CTNNA3: variants seen among roughly 807,000 people sequenced by gnomAD.
CTNNA3 encodes the protein catenin alpha 3.
CTNNA3 carries 76 observed loss-of-function variants against 95.7 expected under a neutral mutation model. The observed-to-expected ratio is 0.79, with a 90% CI of 0.66 to 0.96. CTNNA3 has a LOEUF of 0.96. Ranked by LOEUF, CTNNA3 falls within the 40% of genes least tolerant of loss-of-function variation. The probability of loss-of-function intolerance (pLI) is 0.00; values close to 1 mark genes in which losing one functional copy is unlikely to be tolerated. For synonymous variants in CTNNA3, 431 were observed against 374.4 expected (o/e 1.15, Z -1.74); for missense variants, 1,191 against 1,089.8 (o/e 1.09, Z -1.31).
At chr10:66,932,719 T>C (rs376517118) in intron 7 of CTNNA3, among the ~76,000 whole-genome samples, 2 of 152,154 alleles carry the variant, frequency 1.3e-5, no homozygotes, top group African/African-American at 2.4e-5. Flanking sequence ...TAATAATACA[T>C]AGGTGAAAGT....
In CTNNA3 at chr10:67,687,365, G is replaced by T. The variant is rs541933217; in HGVS notation, c.-6+8635C>A. Reference sequence around the variant, plus strand: ...GATTGCCTCCGCATAGTGGACATGGGTGAGGGAGCAGCTTATTTCTAGTAG... The same window carrying T: ...GATTGCCTCCGCATAGTGGACATGGTTGAGGGAGCAGCTTATTTCTAGTAG... On this transcript the variant is annotated intron_variant, in intron 1 of 17. Transcript: ENST00000433211. Among the ~76,000 whole-genome samples the T allele has an allele frequency of 2.6e-5, 4 of 152,304 alleles. No individual in the cohort carries two copies. In the South Asian group the frequency reaches 8.3e-4, roughly 32 times the overall value.
At chr10:66,404,876 T>C (rs1331203694) in intron 11 of CTNNA3, among the ~76,000 whole-genome samples, 3 of 151,934 alleles carry the variant, frequency 2.0e-5, no homozygotes, top group African/African-American at 4.8e-5. Flanking sequence ...AGCCAAAAGA[T>C]TGGACACCCC....
At chr10:66,877,132 A>AT (rs1844656443) in intron 7 of CTNNA3, among the ~76,000 whole-genome samples, 1 of 152,072 alleles carries the variant, frequency 6.6e-6, no homozygotes. Context: ...ATGGTTGGCC[A>AT]GCTTGTTTTG....
intron 9 of CTNNA3, among the ~76,000 whole-genome samples, chr10:66,747,895 T>C (rs558834959): frequency 6.6e-6 from 1 of 152,308 alleles, no homozygotes; most frequent in African/African-American, 2.4e-5. Context: ...ATAAAAATAA[T>C]ACAATTACGT....
chr10:67,370,003 T>C (rs953510727), intron 5 of CTNNA3, among the ~76,000 whole-genome samples: 6 of 152,184 alleles, frequency 3.9e-5, no homozygotes, highest in African/African-American at 1.2e-4. Flanking sequence ...TATATATGCA[T>C]GTGTAGGTGT....
chr10:66,075,512 A>G (rs1471669353), intron 14 of CTNNA3, among the ~76,000 whole-genome samples: 1 of 151,838 alleles, frequency 6.6e-6, no homozygotes, highest in Admixed American at 6.6e-5. Context: ...TAATGTATAT[A>G]AATGTATCAT....
chr10:66,269,434 G>A (rs963979004), intron 13 of CTNNA3, among the ~76,000 whole-genome samples: 1 of 151,780 alleles, frequency 6.6e-6, no homozygotes, highest in Non-Finnish European at 1.5e-5. Flanking sequence ...AAAAATCCCT[G>A]GTTTTATTTT....
chr10:66,341,342 C>T (rs1216127078), intron 12 of CTNNA3, among the ~76,000 whole-genome samples: 3 of 151,834 alleles, frequency 2.0e-5, no homozygotes, highest in Non-Finnish European at 4.4e-5. Context: ...TAATAAAGGA[C>T]TTAAATAAAT....
At chr10:67,590,088 G>A (rs971718838) in intron 3 of CTNNA3, among the ~76,000 whole-genome samples, 7 of 151,960 alleles carry the variant, frequency 4.6e-5, no homozygotes, top group African/African-American at 1.4e-4. Flanking sequence ...ATTCCTAAAT[G>A]TTTATGAATA....
chr10:66,934,064 A>C (rs2086774470), intron 7 of CTNNA3, among the ~76,000 whole-genome samples: 1 of 152,098 alleles, frequency 6.6e-6, no homozygotes, highest in Non-Finnish European at 1.5e-5. Flanking sequence ...AATTCCAGGA[A>C]CACAGAGAGA....
At chr10:66,451,219 AGAT>A (rs1183154520) in intron 11 of CTNNA3, among the ~76,000 whole-genome samples, 1 of 152,204 alleles carries the variant, frequency 6.6e-6, no homozygotes, top group Admixed American at 6.5e-5. Context: ...AGTTAAGACA[AGAT>A]GATCACGTAA....
chr10:66,567,429 G>T (rs1308366377), intron 10 of CTNNA3, among the ~76,000 whole-genome samples: 1 of 151,940 alleles, frequency 6.6e-6, no homozygotes, highest in Non-Finnish European at 1.5e-5. Context: ...GACCAGCCTG[G>T]GCAACATAGT....
At chr10:66,286,122 G>A (rs1269870828) in intron 12 of CTNNA3, among the ~76,000 whole-genome samples, 2 of 151,906 alleles carry the variant, frequency 1.3e-5, no homozygotes, top group Non-Finnish European at 2.9e-5. Flanking sequence ...ATACATATCA[G>A]TAGACTTGCT....
rs1231375563 is a variant in CTNNA3 at position 67,691,586 on chromosome 10, G to A, written c.-6+4414C>T. On this transcript the variant is annotated intron_variant, in intron 1 of 17. Transcript: ENST00000433211. ...AGGAGCGTCTCTGCCCGGTCGCCCC[G>A]TCTGAGAAGTGAGGAGACCCTCTGC... Among the ~76,000 whole-genome samples the A allele has an allele frequency of 5.5e-5, 8 of 145,306 alleles. 1 individual carries two copies. The highest frequency in any genetic ancestry group is 2.1e-4 in the East Asian group (1 of 4,664).
At chr10:66,874,223 A>G (rs1564737629) in intron 7 of CTNNA3, among the ~76,000 whole-genome samples, 2 of 152,118 alleles carry the variant, frequency 1.3e-5, no homozygotes, top group Non-Finnish European at 2.9e-5. Context: ...TGGCCAGGGT[A>G]CAAACATAGT....
At chr10:67,371,010 G>C (rs1452874709) in intron 5 of CTNNA3, among the ~76,000 whole-genome samples, 6 of 149,702 alleles carry the variant, frequency 4.0e-5, no homozygotes, top group Non-Finnish European at 1.5e-5. Context: ...GGGACTACAG[G>C]CGCCCGCCGC....
chr10:66,036,862 ATTTTTTT>A (rs57081880), intron 15 of CTNNA3, among the ~76,000 whole-genome samples: 2 of 95,698 alleles, frequency 2.1e-5, no homozygotes. Context: ...AGTAGTTCCA[ATTTTTTT>A]TTTTTTTTTT....
intron 9 of CTNNA3, among the ~76,000 whole-genome samples, chr10:66,688,220 T>C (rs1401330005): frequency 1.3e-5 from 2 of 152,176 alleles, no homozygotes; most frequent in Non-Finnish European, 2.9e-5. Flanking sequence ...TCATGTCCAC[T>C]GTGTCATAAA....
At chr10:66,178,505 C>T (rs1181497318) in intron 13 of CTNNA3, among the ~76,000 whole-genome samples, 1 of 144,912 alleles carries the variant, frequency 6.9e-6, no homozygotes, top group Non-Finnish European at 1.5e-5. Context: ...ACACACACCC[C>T]TTAAGAGTTC....
Sources: allele counts gnomAD v4.1 joint callset (sites outside exome capture counted in the v4.1 genomes callset), GRCh38; gene constraint gnomAD v4.1.1; transcripts MANE v1.5; gene names NCBI Gene and HGNC (gene_info 2026-07-23, HGNC 2026-07-21).